The following ZBTB16 variants were observed in gnomAD, a reference collection of about 807,000 sequenced individuals.
ZBTB16 encodes zinc finger and BTB domain-containing protein 16.
ZBTB16 carries 8 observed loss-of-function variants against 56.8 expected under a neutral mutation model. That is an observed-to-expected ratio of 0.14 (90% CI 0.08 to 0.25). The LOEUF (loss-of-function observed/expected upper bound fraction) is 0.25. ZBTB16 is among the 10% of genes least tolerant of loss of function. The pLI, the probability that ZBTB16 is intolerant of heterozygous loss-of-function variation, is 1.00. For missense variants in ZBTB16, 625 were observed against 903.0 expected, an observed-to-expected ratio of 0.69 and a Z score of 3.95; for synonymous variants, 363 against 368.5, an observed-to-expected ratio of 0.98 and a Z score of 0.17.
At chr11:114,070,643 T>C (rs192830341) in intron 2 of ZBTB16, among the ~76,000 whole-genome samples, 38 of 152,314 alleles carry the variant, frequency 2.5e-4, no homozygotes, top group Admixed American at 1.6e-3. Flanking sequence ...ACATGAGCAT[T>C]GCTCTTCTGG....
rs146149246 is a variant in ZBTB16 at position 114,242,108 on chromosome 11, T to C, written c.1454-59T>C. 1.2e-4 allele frequency: 193 copies of C among 1,606,744 alleles called. No homozygotes were observed. The African/African-American group carries it at 2.2e-3, about 18-fold the overall frequency. Reference sequence around the variant, plus strand: ...GACACTGGCTCTCACTCCAGATGGGTAAAGAATGCACCTTGTATTCCCACC... The same window carrying C: ...GACACTGGCTCTCACTCCAGATGGGCAAAGAATGCACCTTGTATTCCCACC... On this transcript the variant is annotated intron_variant, in intron 4 of 6. Coordinates refer to ENST00000335953, the MANE Select transcript of ZBTB16 (RefSeq NM_006006.6).
intron 2 of ZBTB16, among the ~76,000 whole-genome samples, chr11:114,128,367 G>A (rs1389316843): frequency 6.6e-6 from 1 of 152,230 alleles, no homozygotes; most frequent in Admixed American, 6.5e-5. Flanking sequence ...CTTCTGCATG[G>A]CCGTGGCCAC....
intron 1 of ZBTB16, among the ~76,000 whole-genome samples, chr11:114,061,970 T>G (rs897983704): frequency 1.7e-4 from 26 of 152,198 alleles, no homozygotes; most frequent in African/African-American, 6.3e-4. Flanking sequence ...GGACCATATT[T>G]AACTATGGTC....
At chr11:114,191,201 T>C (rs1943485898) in intron 4 of ZBTB16, among the ~76,000 whole-genome samples, 1 of 152,138 alleles carries the variant, frequency 6.6e-6, no homozygotes, top group Admixed American at 6.5e-5. Context: ...GGATTACAGT[T>C]CAACATGAGA....
At chr11:114,067,217 A>C (rs756219922) in intron 2 of ZBTB16, among the ~76,000 whole-genome samples, 3 of 152,124 alleles carry the variant, frequency 2.0e-5, no homozygotes, top group Non-Finnish European at 4.4e-5. Context: ...TTTAGGCCTC[A>C]TCTCTGCATG....
At chr11:114,195,921 C>T (rs567214772) in intron 4 of ZBTB16, among the ~76,000 whole-genome samples, 15 of 152,170 alleles carry the variant, frequency 9.9e-5, no homozygotes, top group Admixed American at 8.5e-4. Flanking sequence ...GGATCCCTGA[C>T]TATGTCCTCC....
intron 4 of ZBTB16, among the ~76,000 whole-genome samples, chr11:114,228,921 G>A (rs1027949310): frequency 3.3e-5 from 5 of 152,176 alleles, no homozygotes; most frequent in Non-Finnish European, 5.9e-5. Context: ...CCTGGTGTCA[G>A]CTGTCCCTCC....
At chr11:114,210,525 T>C (rs1308903030) in intron 4 of ZBTB16, 3 of 231,500 alleles carry the variant, frequency 1.3e-5, no homozygotes, top group African/African-American at 6.6e-5. Flanking sequence ...AAAATCTCCC[T>C]TGTGCTTTAA....
chr11:114,164,924 G>T (rs1463539847), intron 3 of ZBTB16, among the ~76,000 whole-genome samples: 1 of 151,868 alleles, frequency 6.6e-6, no homozygotes, highest in Admixed American at 6.6e-5. Context: ...TGTCCTTTGT[G>T]TCTGTGTCAG....
At chr11:114,151,576 G>A (rs1348990847) in intron 2 of ZBTB16, among the ~76,000 whole-genome samples, 2 of 152,202 alleles carry the variant, frequency 1.3e-5, no homozygotes, top group African/African-American at 4.8e-5. Context: ...TTGGAACTGA[G>A]GTTTCTTTCT....
intron 2 of ZBTB16, among the ~76,000 whole-genome samples, chr11:114,067,735 A>T (rs1939171208): frequency 6.6e-6 from 1 of 152,114 alleles, no homozygotes; most frequent in African/African-American, 2.4e-5. Context: ...GAGGGTGGAA[A>T]GTCAGCAGCT....
intron 2 of ZBTB16, chr11:114,122,064 T>C: frequency 3.2e-6 from 1 of 310,352 alleles, no homozygotes; most frequent in East Asian, 1.0e-4. Flanking sequence ...CAACCATTTA[T>C]TCTAGCAGAT....
intron 4 of ZBTB16, among the ~76,000 whole-genome samples, chr11:114,212,999 C>T (rs1944025762): frequency 6.6e-6 from 1 of 151,994 alleles, no homozygotes. Context: ...TTTCTTCCTT[C>T]TGTGGCTCAG....
At chr11:114,167,245 T>TG (rs1942796907) in intron 3 of ZBTB16, among the ~76,000 whole-genome samples, 2 of 137,382 alleles carry the variant, frequency 1.5e-5, no homozygotes, top group Admixed American at 7.3e-5. Context: ...TTTTTTTTTT[T>TG]TTTTTTTTGA....
intron 2 of ZBTB16, among the ~76,000 whole-genome samples, chr11:114,119,491 A>T (rs77625443): frequency 6.6e-6 from 1 of 151,948 alleles, no homozygotes; most frequent in Non-Finnish European, 1.5e-5. Context: ...GTCGACTGCT[A>T]TTCTCAATGA....
Position 114,254,200 on chromosome 11 carries a change from A to G in ZBTB16, c.*3645A>G. Among the ~76,000 whole-genome samples the G allele has an allele frequency of 6.6e-6, 1 of 151,824 alleles. No individual in the cohort carries two copies. Among genetic ancestry groups the G allele is most frequent in the South Asian group, 2.1e-4 (1 of 4,816 alleles). Reference sequence around the variant, plus strand: ...ATATATAGATATATATATATATAGCAAGAGATTGATATAAAATAGTAAATA... The same window carrying G: ...ATATATAGATATATATATATATAGCGAGAGATTGATATAAAATAGTAAATA... On this transcript the variant is annotated 3_prime_UTR_variant, in exon 7 of 7. Transcript: ENST00000335953.
intron 3 of ZBTB16, among the ~76,000 whole-genome samples, chr11:114,166,110 C>T (rs371123025): frequency 2.0e-5 from 3 of 152,084 alleles, no homozygotes; most frequent in Non-Finnish European, 2.9e-5. Context: ...ACTCCTCTCC[C>T]AGGTGTTCAA....
intron 6 of ZBTB16, among the ~76,000 whole-genome samples, chr11:114,249,766 C>T (rs1224992422): frequency 1.6e-3 from 24 of 15,308 alleles, no homozygotes; most frequent in Admixed American, 2.3e-3. Context: ...AGCGAGACTC[C>T]GTCTCAAAAA....
intron 6 of ZBTB16, among the ~76,000 whole-genome samples, chr11:114,249,021 T>C (rs1944866635): frequency 6.6e-6 from 1 of 152,124 alleles, no homozygotes; most frequent in Non-Finnish European, 1.5e-5. Context: ...TGCTCAGCTC[T>C]AGGGGACTCT....
Sources: allele counts gnomAD v4.1 joint callset (sites outside exome capture counted in the v4.1 genomes callset), GRCh38; gene constraint gnomAD v4.1.1; transcripts MANE v1.5; gene names NCBI Gene and HGNC (gene_info 2026-07-23, HGNC 2026-07-21).